PON2: variants seen among roughly 807,000 people sequenced by gnomAD.
The protein encoded by PON2 is serum paraoxonase/arylesterase 2.
In PON2, 27 loss-of-function variants were observed where a neutral mutation model predicts 36.6. The ratio of observed to expected loss-of-function variants is 0.74; its 90% CI spans 0.54 to 1.02. The LOEUF is 1.02. Among genes scored for constraint, PON2 ranks in the 50% least tolerant of loss-of-function variants. The pLI is 0.00. For missense variants in PON2, 363 were observed against 421.1 expected, an observed-to-expected ratio of 0.86 and a Z score of 1.21; for synonymous variants, 149 against 156.3, an observed-to-expected ratio of 0.95 and a Z score of 0.35.
rs1294631504 is a variant in PON2, at chr7:95,411,829, C to T, written c.368-50G>A. 1.9e-6 allele frequency: 3 copies of T among 1,598,812 alleles called. No homozygotes were observed. The South Asian group carries it at 3.3e-5, about 18-fold the overall frequency. ...AATTTACAAGACATAACTACGGGAC[C>T]TCTGGGCAGGCACTGACATTTAAAT... On this transcript the variant is annotated intron_variant, in intron 4 of 8. Coordinates refer to ENST00000222572, the MANE Select transcript of PON2 (RefSeq NM_000305.3).
chr7:95,428,235 GTTAT>G (rs1789360068), intron 1 of PON2, among the ~76,000 whole-genome samples: 1 of 152,054 alleles, frequency 6.6e-6, no homozygotes, highest in Admixed American at 6.6e-5. Flanking sequence ...TTTCATTACA[GTTAT>G]TTATTTTATT....
intron 3 of PON2, among the ~76,000 whole-genome samples, chr7:95,414,278 C>T (rs1789007426): frequency 6.6e-6 from 1 of 152,106 alleles, no homozygotes; most frequent in African/African-American, 2.4e-5. Context: ...TGAACAACCT[C>T]CACAATGTAG....
At position 95,434,961 on chromosome 7, in the gene PON2, G is replaced by A. The variant is rs886606539; in HGVS notation, c.-10C>T. On this transcript the variant is annotated 5_prime_UTR_variant, in exon 1 of 9. Transcript: ENST00000222572. ...CCACCAGCCGCCCCATGGCGCGGGA[G>A]CCGGGCGCGCTGCCTCGCTCCGGCC... 3.9e-6 allele frequency: 6 copies of A among 1,523,456 alleles called. No individual in the cohort carries two copies. Among genetic ancestry groups the A allele is most frequent in the Non-Finnish European group, 5.3e-6 (6 of 1,140,534 alleles). The allele number at this position is 1,523,456 out of a possible 1,614,324, so 94.4% of individuals were successfully genotyped here. A position where few individuals can be genotyped will look rare whatever the true frequency, so the allele number is the denominator to read the frequency against.
intron 3 of PON2, among the ~76,000 whole-genome samples, chr7:95,413,324 C>A (rs1440052492): frequency 2.0e-5 from 3 of 152,016 alleles, no homozygotes; most frequent in Non-Finnish European, 4.4e-5. Flanking sequence ...TTGTCTTTTT[C>A]TTTTCTATCT....
At chr7:95,420,898 C>T (rs1789176395) in intron 2 of PON2, among the ~76,000 whole-genome samples, 1 of 151,582 alleles carries the variant, frequency 6.6e-6, no homozygotes, top group Non-Finnish European at 1.5e-5. Context: ...GATATATAAC[C>T]AAAAGTTATT....
chr7:95,434,220 C>T (rs1585770564), intron 1 of PON2: 1 of 152,256 alleles, frequency 6.6e-6, no homozygotes, highest in South Asian at 2.1e-4. Context: ...AAAAAACAAA[C>T]GTTGAGTTGG....
chr7:95,406,147 TA>T lies in PON2; in HGVS notation c.877del (p.Tyr293MetfsTer24). The T allele has an allele frequency of 6.2e-7, 1 of 1,613,860 alleles. No individual in the cohort carries two copies. ...TGACGAGGGAGGATTGTTCGGGTCA[TA>T]CACGAAGAGCTTCTGGCCATTAGGA... ...CHPNGQKLFV[Y>X]DPNNPPSSEV... On this transcript the variant is annotated frameshift_variant, in exon 8 of 9. Transcript: ENST00000222572. LOFTEE classifies it high-confidence loss of function.
At chr7:95,422,421 T>C (rs1337653860) in intron 2 of PON2, among the ~76,000 whole-genome samples, 1 of 152,224 alleles carries the variant, frequency 6.6e-6, no homozygotes. Flanking sequence ...CTTTCCATTT[T>C]ATATCTTTCT....
intron 1 of PON2, among the ~76,000 whole-genome samples, chr7:95,433,719 C>G (rs1789496405): frequency 6.6e-6 from 1 of 152,222 alleles, no homozygotes; most frequent in African/African-American, 2.4e-5. Flanking sequence ...TGCTAGTCTT[C>G]CAACTTCCCA....
chr7:95,418,694 T>C (rs542657158), intron 2 of PON2, among the ~76,000 whole-genome samples: 17 of 152,336 alleles, frequency 1.1e-4, no homozygotes, highest in African/African-American at 3.8e-4. Context: ...TTTATTCTAG[T>C]GATATACATT....
At position 95,424,594 on chromosome 7, in the gene PON2, A is replaced by G. The variant is rs746966456; in HGVS notation, c.75-9T>C. Reference sequence around the variant, plus strand: ...AGGCTTTAAGTCGATTTCTGTTACAAAGAAAAAAAAACAAAAAACAAAAAA... The same window carrying G: ...AGGCTTTAAGTCGATTTCTGTTACAGAGAAAAAAAAACAAAAAACAAAAAA... On this transcript the variant is annotated splice_polypyrimidine_tract_variant and intron_variant, in intron 1 of 8. Transcript: ENST00000222572. The G allele has an allele frequency of 6.2e-7, 1 of 1,610,812 alleles. No individual in the cohort carries two copies. The highest frequency in any genetic ancestry group is 8.5e-7 in the Non-Finnish European group (1 of 1,178,172).
intron 1 of PON2, 80 bp downstream of exon 1, chr7:95,434,798 C>T (rs1016558308): frequency 7.5e-6 from 11 of 1,470,134 alleles, no homozygotes; most frequent in Non-Finnish European, 1.0e-5. Flanking sequence ...ATCCCTCCCC[C>T]AGCCTGCGCC....
rs879501675 is a variant in PON2, at chr7:95,417,398, G to A, written c.146-1101C>T. On this transcript the variant is annotated intron_variant, in intron 2 of 8. Coordinates refer to ENST00000222572, the MANE Select transcript of PON2 (RefSeq NM_000305.3). Reference sequence around the variant, plus strand: ...AAATAAGCTTAAGCATGGCATAGCGGAGGAGTTCTCAATCTGGGGTCTGTG... The same window carrying A: ...AAATAAGCTTAAGCATGGCATAGCGAAGGAGTTCTCAATCTGGGGTCTGTG... 8.5e-5 allele frequency among the ~76,000 whole-genome samples: 13 copies of A among 152,234 alleles called. No individual in the cohort carries two copies. In the South Asian group the frequency reaches 1.5e-3, roughly 17 times the overall value.
At position 95,416,242 on chromosome 7, in the gene PON2, C is replaced by G; in HGVS notation, c.201G>C (p.Val67=). The G allele has an allele frequency of 6.2e-7, 1 of 1,612,112 alleles. No homozygotes were observed. The highest frequency in any genetic ancestry group is 8.5e-7 in the Non-Finnish European group (1 of 1,178,268). Residue 67 remains valine, a splice_region_variant and synonymous_variant, in exon 3 of 9, where the codon GTG becomes GTC. Coordinates refer to ENST00000222572, the MANE Select transcript of PON2 (RefSeq NM_000305.3). ...TTTGGGGAAGGAAGAAGACACTCACCACACTAAAAAAAGCCAGACCATTGG... is the reference window on the plus strand; with the variant it reads ...TTTGGGGAAGGAAGAAGACACTCACGACACTAAAAAAAGCCAGACCATTGG... ...ILPNGLAFFS[V]GLKFPGLHSF... is the part of the protein sequence containing the mutation.
intron 2 of PON2, 92 bp downstream of exon 2, chr7:95,424,423 C>A (rs761077545): frequency 2.5e-5 from 26 of 1,020,218 alleles, no homozygotes; most frequent in African/African-American, 9.5e-5. Context: ...CACTGAAAAG[C>A]AGTAATTTCA....
rs3735586 is a variant in PON2 at position 95,406,270 on chromosome 7, A to T, written c.778-23T>A. On this transcript the variant is annotated intron_variant, in intron 7 of 8. Transcript: ENST00000222572. ...TACCTTCCAAATGAGAAATTGTCAAAATCTAAATGACATGAGAAACTTGAT... is the reference window on the plus strand; with the variant it reads ...TACCTTCCAAATGAGAAATTGTCAATATCTAAATGACATGAGAAACTTGAT... 0.26 allele frequency: 408,240 copies of T among 1,600,014 alleles called. 54,720 individuals carry two copies. Among genetic ancestry groups the T allele is most frequent in the South Asian group, 0.36 (32,889 of 90,714 alleles).
Position 95,405,305 on chromosome 7 carries a change from C to G in PON2, c.*25G>C. 1 of 1,609,444 alleles carries G rather than the reference C, an allele frequency of 6.2e-7. No homozygotes were observed. Among genetic ancestry groups the G allele is most frequent in the Non-Finnish European group, 8.5e-7 (1 of 1,176,112 alleles). On this transcript the variant is annotated 3_prime_UTR_variant, in exon 9 of 9. Transcript: ENST00000222572. ...CATAGAAAATTAATTGTTAAGTTAT[C>G]GCACTTTCATGCCAAAAGTACAATT... is the stretch of plus-strand genomic sequence containing the variant.
chr7:95,405,938 A>C (rs1168110515), intron 8 of PON2, among the ~76,000 whole-genome samples, 181 bp downstream of exon 8: 2 of 152,220 alleles, frequency 1.3e-5, no homozygotes, highest in Admixed American at 6.5e-5. Context: ...CCTTTCTTAA[A>C]GTATTTGAAC....
chr7:95,430,686 G>C (rs1283625386), intron 1 of PON2, among the ~76,000 whole-genome samples: 2 of 151,900 alleles, frequency 1.3e-5, no homozygotes, highest in Non-Finnish European at 2.9e-5. Context: ...CTTGAGCCCA[G>C]GTGTTCTGGG....
Sources: allele counts gnomAD v4.1 joint callset (sites outside exome capture counted in the v4.1 genomes callset), GRCh38; gene constraint gnomAD v4.1.1; transcripts MANE v1.5; gene names NCBI Gene and HGNC (gene_info 2026-07-23, HGNC 2026-07-21).